PLA2G4A: variants seen among roughly 807,000 people sequenced by gnomAD.
PLA2G4A encodes phospholipase A2 group IVA.
Under a neutral mutation model 81.9 loss-of-function variants are expected in PLA2G4A, and 40 were observed. The ratio of observed to expected loss-of-function variants is 0.49; its 90% CI spans 0.38 to 0.64. The LOEUF is 0.64. Among genes scored for constraint, PLA2G4A ranks in the 30% least tolerant of loss-of-function variants. The pLI, the probability that PLA2G4A is intolerant of heterozygous loss-of-function variation, is 0.00. For missense variants in PLA2G4A, 715 were observed against 905.1 expected, an observed-to-expected ratio of 0.79 and a Z score of 2.69; for synonymous variants, 302 against 296.9, an observed-to-expected ratio of 1.02 and a Z score of -0.18.
intron 3 of PLA2G4A, among the ~76,000 whole-genome samples, chr1:186,879,845 AT>A (rs397982288): frequency 0.016 from 839 of 50,970 alleles, 4 homozygotes; most frequent in Middle Eastern, 0.048. Flanking sequence ...TTATATATAT[AT>A]TTTTTTATTA....
At chr1:186,894,663 G>A (rs1030354571) in intron 5 of PLA2G4A, among the ~76,000 whole-genome samples, 2 of 152,144 alleles carry the variant, frequency 1.3e-5, no homozygotes, top group African/African-American at 4.8e-5. Flanking sequence ...CTCTCTGGGG[G>A]AATATTTCTG....
intron 17 of PLA2G4A, among the ~76,000 whole-genome samples, chr1:186,986,026 CAGGGT>C (rs369236583): frequency 1.7e-3 from 263 of 152,252 alleles, no homozygotes; most frequent in African/African-American, 6.2e-3. Flanking sequence ...CTCCCAAGAA[CAGGGT>C]ATTTTCCGCA....
chr1:186,837,662 A>G lies in PLA2G4A; in HGVS notation c.-70+8627A>G, dbSNP rs1443671586. On this transcript the variant is annotated intron_variant, in intron 1 of 17. Transcript: ENST00000367466. ...TGAGGCAGGAGAATGGCGTGAACCC[A>G]GGAGGCGGAGCTTGCAGTGAGCCGA... Among the ~76,000 whole-genome samples, 253 of 143,020 alleles carry G rather than the reference A, an allele frequency of 1.8e-3. 3 individuals are homozygous for G. The highest frequency in any genetic ancestry group is 3.6e-3 in the Middle Eastern group (1 of 280). The allele number at this position is 143,020 out of a possible 152,430, so 93.8% of individuals were successfully genotyped here.
chr1:186,975,066 C>A (rs765769380), intron 15 of PLA2G4A, among the ~76,000 whole-genome samples: 7 of 152,290 alleles, frequency 4.6e-5, no homozygotes, highest in South Asian at 2.1e-4. Context: ...AAAGCTCTTT[C>A]TTTTCTTTGC....
intron 14 of PLA2G4A, among the ~76,000 whole-genome samples, chr1:186,964,894 A>G (rs975978291): frequency 1.3e-5 from 2 of 151,934 alleles, no homozygotes; most frequent in Non-Finnish European, 2.9e-5. Flanking sequence ...TGGAATGCAC[A>G]CTCACCCTCA....
intron 2 of PLA2G4A, among the ~76,000 whole-genome samples, chr1:186,856,647 GA>G (rs1437896759): frequency 1.3e-5 from 2 of 151,814 alleles, no homozygotes; most frequent in African/African-American, 2.4e-5. Context: ...AGAAAAATAT[GA>G]AAAAATTATT....
rs750655561 is a variant in PLA2G4A at position 186,837,736 on chromosome 1, C to CAAAAAAAAAAAA, written c.-70+8706_-70+8717dup. 6.9e-4 allele frequency among the ~76,000 whole-genome samples: 38 copies of CAAAAAAAAAAAA among 55,078 alleles called. 1 individual carries two copies. The highest frequency in any genetic ancestry group is 8.5e-4 in the Non-Finnish European group (26 of 30,544). The allele number at this position is 55,078 out of a possible 152,430, so 36.1% of individuals were successfully genotyped here. ...TGGGCGACAGAGAGAGACTCCGTCT[C>CAAAAAAAAAAAA]AAAAAAAAAAAAAAAAGAAAAAGAA... On this transcript the variant is annotated intron_variant, in intron 1 of 17. Transcript: ENST00000367466.
chr1:186,974,219 C>A (rs372125164), intron 15 of PLA2G4A, among the ~76,000 whole-genome samples: 1 of 151,948 alleles, frequency 6.6e-6, no homozygotes, highest in Non-Finnish European at 1.5e-5. Flanking sequence ...TTACAATATT[C>A]ATTTCTATGG....
At chr1:186,888,354 T>C (rs1480836736) in intron 3 of PLA2G4A, among the ~76,000 whole-genome samples, 1 of 152,132 alleles carries the variant, frequency 6.6e-6, no homozygotes, top group East Asian at 1.9e-4. Flanking sequence ...GTTTGACTCA[T>C]GGTGCTTCTC....
intron 12 of PLA2G4A, 128 bp downstream of exon 12, chr1:186,947,089 G>T: frequency 1.6e-6 from 1 of 637,210 alleles, no homozygotes; most frequent in South Asian, 1.9e-5. Flanking sequence ...TAATTTGGTT[G>T]AATCAATCTA....
intron 2 of PLA2G4A, among the ~76,000 whole-genome samples, chr1:186,858,958 A>G (rs534487682): frequency 6.6e-6 from 1 of 151,902 alleles, no homozygotes; most frequent in Admixed American, 6.6e-5. Context: ...TTTAAAAAAA[A>G]TTTCCTGCTC....
At chr1:186,962,490 A>AT (rs201779389) in intron 14 of PLA2G4A, among the ~76,000 whole-genome samples, 4,878 of 40,588 alleles carry the variant, frequency 0.12, 117 homozygotes, top group Middle Eastern at 0.23. Context: ...ATTTTATTTT[A>AT]TTTATTTATT....
At chr1:186,851,495 G>C (rs1225816608) in intron 1 of PLA2G4A, among the ~76,000 whole-genome samples, 1 of 151,956 alleles carries the variant, frequency 6.6e-6, no homozygotes, top group Non-Finnish European at 1.5e-5. Context: ...TAGAGTATTA[G>C]CTGGATTCTG....
At chr1:186,964,015 T>G (rs1657046029) in intron 14 of PLA2G4A, among the ~76,000 whole-genome samples, 1 of 152,216 alleles carries the variant, frequency 6.6e-6, no homozygotes, top group Non-Finnish European at 1.5e-5. Flanking sequence ...AATTATAGTA[T>G]TATTCTTACT....
chr1:186,903,482 G>A (rs922021752), intron 5 of PLA2G4A, among the ~76,000 whole-genome samples: 24 of 152,134 alleles, frequency 1.6e-4, no homozygotes, highest in African/African-American at 5.3e-4. Flanking sequence ...CCTAGGCTCC[G>A]CAGCAGGAGG....
At chr1:186,935,150 G>A (rs539778729) in intron 8 of PLA2G4A, among the ~76,000 whole-genome samples, 1 of 152,082 alleles carries the variant, frequency 6.6e-6, no homozygotes, top group African/African-American at 2.4e-5. Context: ...TTTTAATAAT[G>A]TTGAAAATCT....
chr1:186,926,208 G>A (rs12720571), intron 7 of PLA2G4A, among the ~76,000 whole-genome samples: 4,031 of 152,274 alleles, frequency 0.026, 196 homozygotes, highest in African/African-American at 0.093. Flanking sequence ...TTTGTGGAAA[G>A]GATTAGTAAG....
chr1:186,941,757 A>G (rs10911961), intron 10 of PLA2G4A, among the ~76,000 whole-genome samples: 44,647 of 152,006 alleles, frequency 0.29, 8,657 homozygotes, highest in African/African-American at 0.54. Flanking sequence ...TCCCTACCCT[A>G]TAAGACCTTA....
intron 7 of PLA2G4A, among the ~76,000 whole-genome samples, chr1:186,918,034 G>A (rs917574445): frequency 6.6e-6 from 1 of 152,188 alleles, no homozygotes; most frequent in Non-Finnish European, 1.5e-5. Context: ...CTGCAGCACA[G>A]CTACCCTCCC....
Sources: allele counts gnomAD v4.1 joint callset (sites outside exome capture counted in the v4.1 genomes callset), GRCh38; gene constraint gnomAD v4.1.1; transcripts MANE v1.5; gene names NCBI Gene and HGNC (gene_info 2026-07-23, HGNC 2026-07-21).